The following HIBCH variants were observed in gnomAD, a reference collection of about 807,000 sequenced individuals.
The protein encoded by HIBCH is 3-hydroxyisobutyryl-CoA hydrolase, mitochondrial.
HIBCH carries 50 observed loss-of-function variants against 58.2 expected under a neutral mutation model. That is an observed-to-expected ratio of 0.86 (90% CI 0.68 to 1.09). HIBCH has a LOEUF of 1.09. HIBCH is among the 50% of genes least tolerant of loss of function. The probability of loss-of-function intolerance (pLI) is 0.00; values close to 1 mark genes in which losing one functional copy is unlikely to be tolerated. For synonymous variants in HIBCH, 151 were observed against 146.9 expected, an observed-to-expected ratio of 1.03 and a Z score of -0.20; for missense variants, 450 against 449.7, an observed-to-expected ratio of 1.00 and a Z score of -0.01.
At chr2:190,293,655 G>A (rs969734611) in intron 4 of HIBCH, among the ~76,000 whole-genome samples, 2 of 151,556 alleles carry the variant, frequency 1.3e-5, no homozygotes, top group South Asian at 4.1e-4. Context: ...AATGGTTTAC[G>A]TAAGTTTGGT....
intron 11 of HIBCH, among the ~76,000 whole-genome samples, chr2:190,238,682 C>G (rs1019684511): frequency 2.0e-4 from 31 of 152,210 alleles, no homozygotes; most frequent in African/African-American, 5.8e-4. Context: ...TCAGGCTGGT[C>G]CTGAACTCCT....
chr2:190,310,301 G>C (rs1278559477), intron 2 of HIBCH, among the ~76,000 whole-genome samples: 6 of 152,106 alleles, frequency 3.9e-5, no homozygotes. Context: ...GGCCTATCAT[G>C]GGACTTTATC....
intron 1 of HIBCH, among the ~76,000 whole-genome samples, chr2:190,193,547 T>C (rs549684778): frequency 2.0e-5 from 3 of 152,190 alleles, no homozygotes; most frequent in Non-Finnish European, 4.4e-5. Flanking sequence ...GAGGTTTCTT[T>C]TTGGAAAGAT....
chr2:190,199,780 A>C (rs1690157912), downstream of HIBCH: 1 of 1,558,120 alleles, frequency 6.4e-7, no homozygotes, highest in Non-Finnish European at 8.7e-7. Flanking sequence ...TCAACATCAC[A>C]TGGACAAATT....
At chr2:190,246,035 C>A in intron 10 of HIBCH, 119 bp downstream of exon 10, 2 of 596,758 alleles carry the variant, frequency 3.4e-6, no homozygotes, top group Non-Finnish European at 3.0e-6. Flanking sequence ...ACTTTCTGAT[C>A]TCAGAATTCA....
At chr2:190,226,343 C>A (rs1035250842) in intron 11 of HIBCH, among the ~76,000 whole-genome samples, 2 of 152,138 alleles carry the variant, frequency 1.3e-5, no homozygotes, top group Admixed American at 6.5e-5. Flanking sequence ...CGCCTGTAAT[C>A]CCAGCACTTT....
downstream of HIBCH, chr2:190,200,183 G>GCT (rs1559004518): frequency 6.3e-7 from 1 of 1,577,350 alleles, no homozygotes; most frequent in Admixed American, 1.7e-5. Flanking sequence ...CTGTGGAGGT[G>GCT]CTAGTTTGAA....
chr2:190,303,888 G>C lies in HIBCH; in HGVS notation c.78+6866C>G, dbSNP rs115151828. On this transcript the variant is annotated intron_variant, in intron 2 of 13. Coordinates refer to ENST00000359678, the MANE Select transcript of HIBCH (RefSeq NM_014362.4). ...AAAACCCACAAATACTCCCTGATAT[G>C]ATGAGATTAGAAGGGCACTTTTCCT... Among the ~76,000 whole-genome samples, 886 of 152,208 alleles carry C rather than the reference G, an allele frequency of 5.8e-3. 11 individuals carry two copies. The highest frequency in any genetic ancestry group is 0.021 in the African/African-American group (852 of 41,520).
At chr2:190,235,229 A>T (rs987807039) in intron 11 of HIBCH, among the ~76,000 whole-genome samples, 1 of 152,232 alleles carries the variant, frequency 6.6e-6, no homozygotes, top group African/African-American at 2.4e-5. Context: ...TCAGCTGCTT[A>T]ATTAATCACA....
intron 2 of HIBCH, among the ~76,000 whole-genome samples, chr2:190,303,351 C>T (rs1242420942): frequency 6.6e-6 from 1 of 151,392 alleles, no homozygotes; most frequent in Non-Finnish European, 1.5e-5. Context: ...ACCAGAGCTC[C>T]TTAGAGAAAA....
chr2:190,294,532 G>A lies in HIBCH; in HGVS notation c.304+14C>T. On this transcript the variant is annotated intron_variant, in intron 4 of 13. Coordinates refer to ENST00000359678, the MANE Select transcript of HIBCH (RefSeq NM_014362.4). ...GGGGGAAAGAGCACTCAGGTGAAAG[G>A]GAAAAGTCTTTACCTCTGATATCAC... 2 of 1,579,176 alleles carry A rather than the reference G, an allele frequency of 1.3e-6. No homozygotes were observed. The highest frequency in any genetic ancestry group is 2.2e-5 in the South Asian group (2 of 90,288).
At chr2:190,220,720 C>T (rs1203238105) in intron 11 of HIBCH, among the ~76,000 whole-genome samples, 3 of 151,738 alleles carry the variant, frequency 2.0e-5, no homozygotes, top group Non-Finnish European at 4.4e-5. Flanking sequence ...GTCCATTTTG[C>T]TGACAAAATC....
Position 190,211,990 on chromosome 2 carries a change from G to C in HIBCH, c.1011+966C>G, listed in dbSNP as rs1306316290. On this transcript the variant is annotated intron_variant, in intron 12 of 13. Coordinates refer to ENST00000359678, the MANE Select transcript of HIBCH (RefSeq NM_014362.4). This position sits in a 1 kb window ranked among gnomAD's most constrained non-coding sequence, Gnocchi z 5.0. ...TGCAGGCACTGGAGTAAGACTGCCTGGTTTCATATGCCATATCTCTGTCAC... is the reference window on the plus strand; with the variant it reads ...TGCAGGCACTGGAGTAAGACTGCCTCGTTTCATATGCCATATCTCTGTCAC... Among the ~76,000 whole-genome samples the C allele has an allele frequency of 6.6e-6, 1 of 152,138 alleles. No homozygotes were observed. The highest frequency in any genetic ancestry group is 1.5e-5 in the Non-Finnish European group (1 of 68,028).
intron 11 of HIBCH, among the ~76,000 whole-genome samples, chr2:190,223,573 GCCAATA>G (rs1685794629): frequency 6.6e-6 from 1 of 152,180 alleles, no homozygotes; most frequent in South Asian, 2.1e-4. Context: ...AAGAAAATGT[GCCAATA>G]ACCCAAGAAG....
chr2:190,200,189 T>G, downstream of HIBCH: 8 of 1,566,326 alleles, frequency 5.1e-6, no homozygotes, highest in Non-Finnish European at 7.0e-6. Flanking sequence ...AGGTGCTAGT[T>G]TGAATAAATG....
chr2:190,250,473 A>G, intron 8 of HIBCH: 2 of 428,644 alleles, frequency 4.7e-6, no homozygotes, highest in South Asian at 3.6e-5. Flanking sequence ...CATATCCTCT[A>G]CAGCCCTGAG....
intron 11 of HIBCH, among the ~76,000 whole-genome samples, chr2:190,223,751 G>A (rs1390488199): frequency 6.6e-6 from 1 of 152,224 alleles, no homozygotes; most frequent in Non-Finnish European, 1.5e-5. Context: ...GAAAGCTAAA[G>A]GAGCTCATGT....
In HIBCH at chr2:190,306,026, C is replaced by T. The variant is rs2124848710; in HGVS notation, c.78+4728G>A. On this transcript the variant is annotated intron_variant, in intron 2 of 13. Transcript: ENST00000359678. This position sits in a 1 kb window ranked among gnomAD's most constrained non-coding sequence, Gnocchi z 4.6. ...AATGCCATACCTTATTCTGCACCTC[C>T]CACTGTTAATTCAGCAACTTGCCAT... Among the ~76,000 whole-genome samples, 1 of 152,242 alleles carries T rather than the reference C, an allele frequency of 6.6e-6. No individual in the cohort carries two copies. Among genetic ancestry groups the T allele is most frequent in the African/African-American group, 2.4e-5 (1 of 41,560 alleles).
At chr2:190,193,241 T>C (rs775585402) in intron 1 of HIBCH, among the ~76,000 whole-genome samples, 4 of 152,156 alleles carry the variant, frequency 2.6e-5, no homozygotes, top group Non-Finnish European at 1.5e-5. Context: ...TATGTTAATA[T>C]AGTGAATTAT....
Sources: gnomAD v4.1 joint callset for allele counts (sites outside exome capture counted in the v4.1 genomes callset) on GRCh38, gnomAD v4.1.1 for gene constraint, Gnocchi (gnomAD v3.1) non-coding constraint, MANE v1.5 for transcripts, NCBI Gene and HGNC (gene_info 2026-07-23, HGNC 2026-07-21) for gene names.